Variants in ACTR3C observed in about 807,000 individuals in gnomAD.
The protein encoded by ACTR3C is actin-related protein 3C.
ACTR3C carries 18 observed loss-of-function variants against 26.3 expected under a neutral mutation model. The observed-to-expected ratio is 0.68, with a 90% confidence interval of 0.47 to 1.01. The LOEUF is 1.01. Among genes scored for constraint, ACTR3C ranks in the 50% least tolerant of loss-of-function variants. ACTR3C has a pLI of 0.00. For missense variants in ACTR3C, 184 were observed against 250.7 expected, an observed-to-expected ratio of 0.73 and a Z score of 1.80; for synonymous variants, 55 against 94.5, an observed-to-expected ratio of 0.58 and a Z score of 2.42.
At chr7:149,900,899 G>C in the ACTR3C span, among the ~76,000 whole-genome samples, 1 of 151,474 alleles carries the variant, frequency 6.6e-6, no homozygotes. Context: ...CGGGCGTGGT[G>C]GTGGGCACCT....
At chr7:150,265,515 G>A (rs1412057309) in intron 6 of ACTR3C, among the ~76,000 whole-genome samples, 1 of 151,998 alleles carries the variant, frequency 6.6e-6, no homozygotes, top group Non-Finnish European at 1.5e-5. Context: ...CCAACATGGT[G>A]AAACCCCATC....
the ACTR3C span, among the ~76,000 whole-genome samples, chr7:150,058,792 G>A: frequency 6.6e-6 from 1 of 152,082 alleles, no homozygotes; most frequent in African/African-American, 2.4e-5. Context: ...GCGTATGACT[G>A]TAATCCTAGC....
chr7:150,279,864 G>A (rs886093715), intron 6 of ACTR3C, among the ~76,000 whole-genome samples: 7 of 152,070 alleles, frequency 4.6e-5, no homozygotes, highest in African/African-American at 9.7e-5. Context: ...AGTTATTTCC[G>A]TATTTTTAGC....
chr7:150,256,461 C>A (rs1432568167), intron 6 of ACTR3C, among the ~76,000 whole-genome samples: 1 of 152,206 alleles, frequency 6.6e-6, no homozygotes, highest in Non-Finnish European at 1.5e-5. Flanking sequence ...TTATAATAGC[C>A]ATTCTAACTG....
At chr7:150,160,228 A>G in the ACTR3C span, among the ~76,000 whole-genome samples, 1 of 152,184 alleles carries the variant, frequency 6.6e-6, no homozygotes, top group South Asian at 2.1e-4. Context: ...GAGTTTTAGT[A>G]AAAAAGAAGG....
At chr7:150,105,327 C>T in the ACTR3C span, among the ~76,000 whole-genome samples, 51 of 151,972 alleles carry the variant, frequency 3.4e-4, no homozygotes, top group Non-Finnish European at 5.3e-4. Context: ...TGTGATCCAC[C>T]CGCCTCGGCC....
the ACTR3C span, among the ~76,000 whole-genome samples, chr7:150,175,001 T>C: frequency 6.8e-6 from 1 of 146,494 alleles, no homozygotes; most frequent in Non-Finnish European, 1.5e-5. Context: ...GAGGTGATTC[T>C]AAAATTCATA....
At chr7:150,037,411 CAG>C in the ACTR3C span, among the ~76,000 whole-genome samples, 9 of 52,190 alleles carry the variant, frequency 1.7e-4, 1 homozygote, top group African/African-American at 3.5e-4. Flanking sequence ...TCCTAAGAGC[CAG>C]TGGAGGAACT....
Position 150,286,399 on chromosome 7 carries a change from A to G in ACTR3C, c.439T>C (p.Phe147Leu), listed in dbSNP as rs757856792. 2 of 1,613,992 alleles carry G rather than the reference A, an allele frequency of 1.2e-6. No homozygotes were observed. Among genetic ancestry groups the G allele is most frequent in the South Asian group, 2.2e-5 (2 of 91,014 alleles). ...KFVIDVGYERFLGPEIFFHPE... is the reference protein window; with the variant it reads ...KFVIDVGYERLLGPEIFFHPE... ...TGAAAGAATATTTCAGGTCCCAGGA[A>G]TCTTTCGTAACCAACGTCTATAACA... Residue 147 changes from phenylalanine to leucine, a missense_variant, in exon 5 of 8, where the codon TTC (phenylalanine) becomes CTC (leucine). By Grantham distance (22) the Phe-to-Leu change is conservative (BLOSUM62 0). Transcript: ENST00000683684.
chr7:150,289,635 C>T (rs749945222), intron 3 of ACTR3C, 42 bp from the exon 4 acceptor site: 6 of 1,568,266 alleles, frequency 3.8e-6, no homozygotes, highest in East Asian at 2.3e-5. Context: ...TTAGTGATTT[C>T]GTGGTGGAGA....
the ACTR3C span, among the ~76,000 whole-genome samples, chr7:150,091,909 AC>A: frequency 6.9e-5 from 9 of 131,204 alleles, no homozygotes; most frequent in African/African-American, 2.5e-4. Context: ...AATGGCGTGA[AC>A]CCGGGAGGCG....
the ACTR3C span, among the ~76,000 whole-genome samples, chr7:150,032,324 G>A: frequency 3.3e-5 from 5 of 152,196 alleles, no homozygotes; most frequent in Non-Finnish European, 7.3e-5. Context: ...GTAAGGAAAA[G>A]GCATTTGAGG....
chr7:150,254,895 G>A (rs1343950085), intron 6 of ACTR3C, among the ~76,000 whole-genome samples: 1 of 152,200 alleles, frequency 6.6e-6, no homozygotes. Context: ...GGCTTACTCT[G>A]CTACATTTCC....
At chr7:150,203,016 C>G in the ACTR3C span, among the ~76,000 whole-genome samples, 19 of 152,208 alleles carry the variant, frequency 1.2e-4, no homozygotes, top group African/African-American at 4.3e-4. Flanking sequence ...ACTGATTTGT[C>G]AATCATAAAT....
the ACTR3C span, among the ~76,000 whole-genome samples, chr7:150,076,282 A>C: frequency 0.14 from 21,468 of 152,130 alleles, 1,559 homozygotes; most frequent in South Asian, 0.21. Flanking sequence ...TTAAATACAC[A>C]CAGCAATTTA....
At chr7:149,904,815 G>A in the ACTR3C span, among the ~76,000 whole-genome samples, 1 of 151,626 alleles carries the variant, frequency 6.6e-6, no homozygotes. Flanking sequence ...CCAACATGGT[G>A]AAACCCCATC....
chr7:150,252,130 GTGTGTGTGTGTGTGTGCA>G (rs1832896207), intron 6 of ACTR3C, among the ~76,000 whole-genome samples: 1 of 151,686 alleles, frequency 6.6e-6, no homozygotes, highest in South Asian at 2.1e-4. Flanking sequence ...GTGTCTGTGT[GTGTGTGTGTGTGTGTGCA>G]TGTGTGTGTG....
chr7:150,259,284 A>AGAAG (rs1833469749), intron 6 of ACTR3C, among the ~76,000 whole-genome samples: 2 of 150,778 alleles, frequency 1.3e-5, no homozygotes, highest in Admixed American at 6.6e-5. Flanking sequence ...AAAGAAAGAA[A>AGAAG]GAAAGAAAAA....
At chr7:150,050,230 TCTATGAAATA>T in the ACTR3C span, among the ~76,000 whole-genome samples, 1 of 152,202 alleles carries the variant, frequency 6.6e-6, no homozygotes, top group Non-Finnish European at 1.5e-5. Context: ...ACATATGCTA[TCTATGAAATA>T]TGCATGCATA....
Sources: allele counts gnomAD v4.1 joint callset (sites outside exome capture counted in the v4.1 genomes callset), GRCh38; gene constraint gnomAD v4.1.1; transcripts MANE v1.5; gene names NCBI Gene and HGNC (gene_info 2026-07-23, HGNC 2026-07-21).